Variants in CPEB2 observed in about 807,000 individuals in gnomAD.
The protein encoded by CPEB2 is cytoplasmic polyadenylation element-binding protein 2.
In CPEB2, 56 loss-of-function variants were observed where a neutral mutation model predicts 93.6. The ratio of observed to expected loss-of-function variants is 0.60; its 90% CI spans 0.48 to 0.75. The LOEUF (loss-of-function observed/expected upper bound fraction) is 0.75, where lower values mean the gene tolerates loss of function less well. Ranked by LOEUF, CPEB2 falls within the 30% of genes least tolerant of loss-of-function variation. CPEB2 has a pLI of 0.00. For synonymous variants in CPEB2, 764 were observed against 586.3 expected, an observed-to-expected ratio of 1.30 and a Z score of -4.38; for missense variants, 1,579 against 1,395.1, an observed-to-expected ratio of 1.13 and a Z score of -2.10.
chr4:15,022,490 C>T (rs960180282), intron 4 of CPEB2, among the ~76,000 whole-genome samples: 3 of 151,926 alleles, frequency 2.0e-5, no homozygotes, highest in Admixed American at 6.6e-5. Flanking sequence ...ATATTAGATA[C>T]ATATCTATGT....
At chr4:15,008,259 G>A (rs1350062131) in intron 2 of CPEB2, 79 bp from the exon 3 acceptor site, 1 of 982,918 alleles carries the variant, frequency 1.0e-6, no homozygotes, top group Admixed American at 1.9e-5. Context: ...TTTATTTTTT[G>A]TTTTCTTTCT....
intron 3 of CPEB2, 70 bp from the exon 4 acceptor site, chr4:15,017,114 TTAGA>T: frequency 1.3e-6 from 1 of 784,266 alleles, no homozygotes; most frequent in Non-Finnish European, 2.2e-6. Flanking sequence ...GTAAGAGAAT[TTAGA>T]TAGTGTTTTA....
At chr4:15,054,310 G>A in intron 8 of CPEB2, 93 bp downstream of exon 8, 1 of 845,114 alleles carries the variant, frequency 1.2e-6, no homozygotes, top group East Asian at 2.5e-5. Flanking sequence ...GGAATCATAA[G>A]AGACTTGCTA....
At chr4:15,037,060 T>C (rs1448189855) in intron 5 of CPEB2, among the ~76,000 whole-genome samples, 2 of 152,136 alleles carry the variant, frequency 1.3e-5, no homozygotes, top group Non-Finnish European at 2.9e-5. Flanking sequence ...CCTAGCACTT[T>C]GGGAGGCCGA....
chr4:15,002,898 C>T lies in CPEB2; in HGVS notation c.225C>T (p.Ser75=). 6.6e-7 allele frequency: 1 copy of T among 1,511,158 alleles called. No homozygotes were observed. The highest frequency in any genetic ancestry group is 1.9e-4 in the Middle Eastern group (1 of 5,292). 93.6% of individuals were successfully genotyped at this position (1,511,158 alleles called of 1,614,324 possible). ...FSVPLGGGAG[S]PAAAASSSSP... ...TCCCCCTCGGCGGCGGCGCGGGCAG[C>T]CCGGCCGCCGCCGCTTCCTCTTCCT... The change falls in exon 1 of 12, where the codon AGC becomes AGT. Residue 75 remains serine, a synonymous_variant. Transcript: ENST00000538197.
rs1729746867 is a variant in CPEB2, at chr4:15,067,002, A to C, written c.*622A>C. The stretch of plus-strand genomic sequence containing the variant: ...TGCTGCTATATAGGTGTTATGTGTA[A>C]ATGCCACCTATTAATACGGGACTGA... On this transcript the variant is annotated 3_prime_UTR_variant, in exon 12 of 12. Transcript: ENST00000538197. 1 of 152,894 alleles carries C rather than the reference A, an allele frequency of 6.5e-6. No individual in the cohort carries two copies. 9.5% of individuals were successfully genotyped at this position (152,894 alleles called of 1,614,324 possible). A position where few individuals can be genotyped will look rare whatever the true frequency, so the allele number is the denominator to read the frequency against.
rs1364981355 is a variant in CPEB2 at position 15,003,307 on chromosome 4, C to A, written c.634C>A (p.Pro212Thr). The A allele has an allele frequency of 7.0e-7, 1 of 1,429,760 alleles. No homozygotes were observed. Among genetic ancestry groups the A allele is most frequent in the Non-Finnish European group, 9.0e-7 (1 of 1,105,570 alleles). The allele number at this position is 1,429,760 out of a possible 1,614,324, so 88.6% of individuals were successfully genotyped here. A position where few individuals can be genotyped will look rare whatever the true frequency, so the allele number is the denominator to read the frequency against. The change falls in exon 1 of 12, where the codon CCG (proline) becomes ACG (threonine). Residue 212 changes from proline (P) to threonine (T), a missense_variant. Physicochemically the swap from Pro to Thr is conservative, Grantham distance 38. Transcript: ENST00000538197. ...LHCPGRFSPP[P>T]PPAGPLLQPA... Reference sequence around the variant, plus strand: ...CTGCCCCGGTCGGTTCAGCCCGCCGCCGCCGCCAGCCGGCCCGCTCCTCCA... The same window carrying A: ...CTGCCCCGGTCGGTTCAGCCCGCCGACGCCGCCAGCCGGCCCGCTCCTCCA...
intron 1 of CPEB2, among the ~76,000 whole-genome samples, chr4:15,004,751 G>T (rs1722554651): frequency 6.6e-6 from 1 of 151,892 alleles, no homozygotes; most frequent in African/African-American, 2.4e-5. Context: ...CTGGAGGGCC[G>T]CCGCCCCGGA....
chr4:15,010,342 C>G (rs547617026), intron 3 of CPEB2, among the ~76,000 whole-genome samples: 1 of 152,184 alleles, frequency 6.6e-6, no homozygotes, highest in Non-Finnish European at 1.5e-5. Context: ...GCCCCACCCC[C>G]CTTGCCTCTA....
rs1276050194 is a variant in CPEB2, at chr4:15,007,580, C to T, written c.1938C>T (p.Pro646=). 1.0e-5 allele frequency: 16 copies of T among 1,567,056 alleles called. No homozygotes were observed. Among genetic ancestry groups the T allele is most frequent in the Non-Finnish European group, 1.4e-5 (16 of 1,149,330 alleles). ...RTDNNSNTLL[P]LQVRSSLQLP... ...ACAACAATAGTAATACACTCTTACC[C>T]TTACAGGTAAGAATGGTATGTAAAT... Residue 646 remains proline, a synonymous_variant, in exon 2 of 12, where the codon CCC becomes CCT. Transcript: ENST00000538197.
At chr4:15,029,730 G>A (rs1430226388) in intron 4 of CPEB2, among the ~76,000 whole-genome samples, 1 of 152,062 alleles carries the variant, frequency 6.6e-6, no homozygotes, top group East Asian at 1.9e-4. Flanking sequence ...AGAGTAGTAT[G>A]GTGATTTTCA....
intron 3 of CPEB2, among the ~76,000 whole-genome samples, chr4:15,016,840 G>A (rs1208179062): frequency 6.6e-6 from 1 of 151,888 alleles, no homozygotes; most frequent in African/African-American, 2.4e-5. Flanking sequence ...TGTGAGAAAA[G>A]TTTTGAAATT....
At chr4:15,038,816 T>C (rs758386644) in intron 5 of CPEB2, among the ~76,000 whole-genome samples, 1 of 152,172 alleles carries the variant, frequency 6.6e-6, no homozygotes, top group Non-Finnish European at 1.5e-5. Context: ...CTCCAACTCC[T>C]GGACTCAGGT....
intron 8 of CPEB2, among the ~76,000 whole-genome samples, chr4:15,055,095 C>T (rs1180585580): frequency 2.0e-5 from 3 of 152,138 alleles, no homozygotes; most frequent in African/African-American, 7.2e-5. Flanking sequence ...AAACTAGGTA[C>T]AGGTTTCTGG....
chr4:15,007,606 G>C lies in CPEB2; in HGVS notation c.1944+20G>C, dbSNP rs997163517. 2.5e-5 allele frequency: 37 copies of C among 1,489,486 alleles called. No individual in the cohort carries two copies. Among genetic ancestry groups the C allele is most frequent in the Non-Finnish European group, 3.4e-5 (37 of 1,101,404 alleles). The allele number at this position is 1,489,486 out of a possible 1,614,324, so 92.3% of individuals were successfully genotyped here. ...TTACAGGTAAGAATGGTATGTAAATGACCTTATCTCTAATGTTAATCTTTC... is the reference window on the plus strand; with the variant it reads ...TTACAGGTAAGAATGGTATGTAAATCACCTTATCTCTAATGTTAATCTTTC... On this transcript the variant is annotated intron_variant, in intron 2 of 11. Coordinates refer to ENST00000538197, the MANE Select transcript of CPEB2 (RefSeq NM_001177382.2).
intron 3 of CPEB2, among the ~76,000 whole-genome samples, chr4:15,014,730 CAT>C: frequency 6.6e-6 from 1 of 151,924 alleles, no homozygotes; most frequent in African/African-American, 2.4e-5. Context: ...ATTCAACAGA[CAT>C]GAGAACTAAC....
rs1560204739 is a variant in CPEB2 at position 15,003,274 on chromosome 4, C to T, written c.601C>T (p.Pro201Ser). ...PDSKPPPPPP[P>S]LHCPGRFSPP... The stretch of plus-strand genomic sequence containing the variant: ...CTCGAAGCCGCCGCCGCCGCCTCCG[C>T]CGCTCCACTGCCCCGGTCGGTTCAG... The change falls in exon 1 of 12, where the codon CCG becomes TCG. Residue 201 changes from proline (P) to serine (S), a missense_variant. By Grantham distance (74) the Pro-to-Ser change is moderately conservative. This residue lies in a region of CPEB2 where 1,411 missense variants were observed against 1,056.0 expected (regional missense o/e 1.34). Transcript: ENST00000538197. 5 of 1,525,176 alleles carry T rather than the reference C, an allele frequency of 3.3e-6. No homozygotes were observed. The highest frequency in any genetic ancestry group is 4.4e-6 in the Non-Finnish European group (5 of 1,142,110). The allele number at this position is 1,525,176 out of a possible 1,614,324, so 94.5% of individuals were successfully genotyped here.
At chr4:15,026,259 C>T (rs1325168962) in intron 4 of CPEB2, among the ~76,000 whole-genome samples, 3 of 150,398 alleles carry the variant, frequency 2.0e-5, no homozygotes, top group African/African-American at 7.4e-5. Context: ...TGGAGTCTTG[C>T]TCTGTCACCC....
intron 3 of CPEB2, among the ~76,000 whole-genome samples, chr4:15,012,621 T>C (rs150909046): frequency 1.3e-5 from 2 of 152,210 alleles, no homozygotes; most frequent in Non-Finnish European, 2.9e-5. Flanking sequence ...TGCTACTGAG[T>C]ATGGTGTGAT....
Sources: allele counts gnomAD v4.1 joint callset (sites outside exome capture counted in the v4.1 genomes callset), GRCh38; gene constraint gnomAD v4.1.1; regional missense constraint gnomAD v4.1.1; transcripts MANE v1.5; gene names NCBI Gene and HGNC (gene_info 2026-07-23, HGNC 2026-07-21).